The following SLC10A7 variants were observed in gnomAD, a reference collection of about 807,000 sequenced individuals.
The protein encoded by SLC10A7 is solute carrier family 10 member 7.
Under a neutral mutation model 43.2 loss-of-function variants are expected in SLC10A7, and 29 were observed. The ratio of observed to expected loss-of-function variants is 0.67; its 90% CI spans 0.50 to 0.92. The LOEUF (loss-of-function observed/expected upper bound fraction) is 0.92. SLC10A7 is among the 40% of genes least tolerant of loss of function. The pLI is 0.00. For synonymous variants in SLC10A7, 152 were observed against 144.8 expected, an observed-to-expected ratio of 1.05 and a Z score of -0.35; for missense variants, 295 against 403.2, an observed-to-expected ratio of 0.73 and a Z score of 2.30.
chr4:146,443,846 A>C (rs1047497252), intron 4 of SLC10A7, among the ~76,000 whole-genome samples: 2 of 152,220 alleles, frequency 1.3e-5, no homozygotes, highest in African/African-American at 4.8e-5. Context: ...ATTCCAGTTC[A>C]TAATTAATTC....
intron 10 of SLC10A7, among the ~76,000 whole-genome samples, chr4:146,266,591 G>A (rs951055990): frequency 1.6e-4 from 24 of 152,224 alleles, no homozygotes; most frequent in African/African-American, 5.8e-4. Flanking sequence ...CCTTGACAAG[G>A]TAAAACAAGG....
chr4:146,453,704 G>A (rs369356380), intron 4 of SLC10A7, among the ~76,000 whole-genome samples: 3 of 151,918 alleles, frequency 2.0e-5, no homozygotes, highest in African/African-American at 4.8e-5. Flanking sequence ...TTAAATAACC[G>A]TTAAAACGCA....
chr4:146,426,116 A>G (rs1729334797), intron 5 of SLC10A7, among the ~76,000 whole-genome samples: 1 of 152,242 alleles, frequency 6.6e-6, no homozygotes, highest in African/African-American at 2.4e-5. Flanking sequence ...TAGAGCCACA[A>G]AATTAGTTTC....
At chr4:146,359,231 T>C (rs527414678) in intron 5 of SLC10A7, among the ~76,000 whole-genome samples, 1 of 152,166 alleles carries the variant, frequency 6.6e-6, no homozygotes, top group Non-Finnish European at 1.5e-5. Flanking sequence ...TCACCTATTT[T>C]TATTGATTTG....
intron 5 of SLC10A7, among the ~76,000 whole-genome samples, chr4:146,331,532 A>G (rs1733534195): frequency 6.6e-6 from 1 of 152,046 alleles, no homozygotes; most frequent in Non-Finnish European, 1.5e-5. Context: ...GGCCTGGGTA[A>G]CCCCCATTTT....
intron 7 of SLC10A7, among the ~76,000 whole-genome samples, chr4:146,303,367 TTTTC>T (rs1731288116): frequency 6.8e-6 from 1 of 147,008 alleles, no homozygotes; most frequent in African/African-American, 2.6e-5. Context: ...ACACATTTCT[TTTTC>T]TTTCTTTTTT....
At chr4:146,488,653 C>T (rs916943253) in intron 4 of SLC10A7, among the ~76,000 whole-genome samples, 1 of 152,182 alleles carries the variant, frequency 6.6e-6, no homozygotes, top group Non-Finnish European at 1.5e-5. Flanking sequence ...TCCTTCTAAG[C>T]ATTCGAAGTC....
intron 4 of SLC10A7, among the ~76,000 whole-genome samples, chr4:146,499,467 A>G (rs1736205556): frequency 6.6e-6 from 1 of 152,180 alleles, no homozygotes; most frequent in African/African-American, 2.4e-5. Flanking sequence ...CATAAGATTA[A>G]TCTTCTTTCA....
chr4:146,472,856 T>C (rs974420169), intron 4 of SLC10A7, among the ~76,000 whole-genome samples: 2 of 152,248 alleles, frequency 1.3e-5, no homozygotes, highest in Non-Finnish European at 2.9e-5. Flanking sequence ...GATTGACTTA[T>C]TGCCTTTTAA....
intron 10 of SLC10A7, among the ~76,000 whole-genome samples, chr4:146,274,556 T>C (rs1254202635): frequency 6.6e-6 from 1 of 152,120 alleles, no homozygotes; most frequent in Non-Finnish European, 1.5e-5. Flanking sequence ...ATCCAAATAC[T>C]GTTGTTTAAC....
At chr4:146,349,555 C>A (rs1264614667) in intron 5 of SLC10A7, among the ~76,000 whole-genome samples, 1 of 152,172 alleles carries the variant, frequency 6.6e-6, no homozygotes, top group Non-Finnish European at 1.5e-5. Context: ...AAGACACATG[C>A]ACAAGCATGT....
chr4:146,387,163 C>G (rs1738067021), intron 5 of SLC10A7, among the ~76,000 whole-genome samples: 1 of 152,058 alleles, frequency 6.6e-6, no homozygotes, highest in Non-Finnish European at 1.5e-5. Context: ...AGACTAGTGT[C>G]CTTATAAGAA....
At chr4:146,446,495 G>T (rs1474277456) in intron 4 of SLC10A7, among the ~76,000 whole-genome samples, 1 of 151,218 alleles carries the variant, frequency 6.6e-6, no homozygotes, top group Admixed American at 6.6e-5. Context: ...AGAATTGCTT[G>T]AACCTAGGAG....
At chr4:146,404,476 ATGTGTGTGTGTG>A (rs34519773) in intron 5 of SLC10A7, among the ~76,000 whole-genome samples, 21 of 141,562 alleles carry the variant, frequency 1.5e-4, no homozygotes, top group African/African-American at 3.9e-4. Flanking sequence ...CTGCTCATTT[ATGTGTGTGTGTG>A]TGTGTGTGTG....
chr4:146,505,989 G>A (rs544300862), intron 3 of SLC10A7, among the ~76,000 whole-genome samples: 1 of 152,198 alleles, frequency 6.6e-6, no homozygotes, highest in South Asian at 2.1e-4. Context: ...AACTTTTATG[G>A]GTCAAAGACT....
intron 9 of SLC10A7, among the ~76,000 whole-genome samples, chr4:146,289,721 T>G (rs917934954): frequency 5.7e-5 from 8 of 140,114 alleles, no homozygotes; most frequent in East Asian, 2.1e-4. Flanking sequence ...TTTTTTTTTT[T>G]TTTTTTTTTT....
chr4:146,375,675 G>C lies in SLC10A7; in HGVS notation c.436-49679C>G, dbSNP rs115024533. Among the ~76,000 whole-genome samples, 597 of 152,116 alleles carry C rather than the reference G, an allele frequency of 3.9e-3. 2 individuals carry two copies. Among genetic ancestry groups the C allele is most frequent in the African/African-American group, 0.013 (547 of 41,472 alleles). Reference sequence around the variant, plus strand: ...ATTGTCTGCCTCCTCCCAACAGAATGTTGTAAAGGCTAAGAAAAACCCTAG... The same window carrying C: ...ATTGTCTGCCTCCTCCCAACAGAATCTTGTAAAGGCTAAGAAAAACCCTAG... On this transcript the variant is annotated intron_variant, in intron 5 of 11. Transcript: ENST00000335472.
chr4:146,258,292 C>A (rs1728002601), intron 11 of SLC10A7, among the ~76,000 whole-genome samples: 1 of 152,084 alleles, frequency 6.6e-6, no homozygotes, highest in Admixed American at 6.5e-5. Flanking sequence ...CTGGATAATG[C>A]CAGGTTCTAT....
At chr4:146,269,889 T>TAGGC in intron 10 of SLC10A7, among the ~76,000 whole-genome samples, 1 of 152,314 alleles carries the variant, frequency 6.6e-6, no homozygotes, top group East Asian at 1.9e-4. Context: ...TAAATGTGAG[T>TAGGC]AGGCTGTGAC....
Sources: gnomAD v4.1 joint callset for allele counts (sites outside exome capture counted in the v4.1 genomes callset) on GRCh38, gnomAD v4.1.1 for gene constraint, MANE v1.5 for transcripts, NCBI Gene and HGNC (gene_info 2026-07-23, HGNC 2026-07-21) for gene names.